Variants in NAV1 observed in about 807,000 individuals in gnomAD.
NAV1 encodes neuron navigator 1.
In NAV1, 18 loss-of-function variants were observed where a neutral mutation model predicts 175.2. That is an observed-to-expected ratio of 0.10 (90% CI 0.07 to 0.15). The LOEUF is 0.15. Among genes scored for constraint, NAV1 ranks in the 10% least tolerant of loss-of-function variants. The pLI is 1.00. For synonymous variants in NAV1, 897 were observed against 978.7 expected, an observed-to-expected ratio of 0.92 and a Z score of 1.56; for missense variants, 1,731 against 2,436.6, an observed-to-expected ratio of 0.71 and a Z score of 6.10.
intron 24 of NAV1, among the ~76,000 whole-genome samples, chr1:201,811,202 C>T (rs1678672910): frequency 6.6e-6 from 1 of 152,188 alleles, no homozygotes; most frequent in African/African-American, 2.4e-5. Flanking sequence ...TGGGAAGAAG[C>T]ACTCAGAATT....
chr1:201,699,092 C>A (rs951413648), intron 1 of NAV1, among the ~76,000 whole-genome samples: 1 of 152,144 alleles, frequency 6.6e-6, no homozygotes, highest in African/African-American at 2.4e-5. Flanking sequence ...CTGGCCAGGG[C>A]AATCAGGCAA....
upstream of NAV1, among the ~76,000 whole-genome samples, chr1:201,619,798 C>T (rs1260490248): frequency 6.6e-6 from 1 of 152,224 alleles, no homozygotes; most frequent in African/African-American, 2.4e-5. Flanking sequence ...CTGGGTGTGG[C>T]CCTCCAGGCC....
intron 28 of NAV1, among the ~76,000 whole-genome samples, chr1:201,814,907 T>C (rs1571520404): frequency 6.6e-6 from 1 of 151,262 alleles, no homozygotes; most frequent in East Asian, 1.9e-4. Flanking sequence ...GATGTGGTGG[T>C]GGGCACCTGT....
chr1:201,684,764 T>C (rs555745037), intron 1 of NAV1, among the ~76,000 whole-genome samples: 2 of 151,778 alleles, frequency 1.3e-5, no homozygotes, highest in Non-Finnish European at 2.9e-5. Flanking sequence ...CGTGAGCCAC[T>C]GTGCCCAGCC....
intron 1 of NAV1, among the ~76,000 whole-genome samples, chr1:201,575,230 A>T (rs1265075360): frequency 6.6e-6 from 1 of 152,180 alleles, no homozygotes; most frequent in Non-Finnish European, 1.5e-5. Flanking sequence ...AGAGACAGAG[A>T]CCTAGAGAGA....
intron 1 of NAV1, among the ~76,000 whole-genome samples, chr1:201,665,142 C>T (rs1294532248): frequency 1.3e-5 from 2 of 152,156 alleles, no homozygotes; most frequent in Non-Finnish European, 2.9e-5. Flanking sequence ...CCTTCCCAAC[C>T]TTCTTCTCTT....
intron 3 of NAV1, chr1:201,724,042 G>A (rs918157585): frequency 6.6e-6 from 1 of 152,072 alleles, no homozygotes; most frequent in Non-Finnish European, 1.5e-5. Context: ...CCCTCCTCTG[G>A]AAGCTCTCAG....
chr1:201,809,434 C>A lies in NAV1; in HGVS notation c.4306-8C>A. On this transcript the variant is annotated splice_region_variant and splice_polypyrimidine_tract_variant and intron_variant, in intron 21 of 29. Coordinates refer to ENST00000367296, the Ensembl canonical transcript of NAV1. Reference sequence around the variant, plus strand: ...AGCTCAAGAGCTTTTCCTTCCTTGGCCTTACAGGACTTGAAGCAGCAGGAA... The same window carrying A: ...AGCTCAAGAGCTTTTCCTTCCTTGGACTTACAGGACTTGAAGCAGCAGGAA... 1 of 1,613,768 alleles carries A rather than the reference C, an allele frequency of 6.2e-7. No homozygotes were observed. The highest frequency in any genetic ancestry group is 8.5e-7 in the Non-Finnish European group (1 of 1,179,884).
intron 1 of NAV1, among the ~76,000 whole-genome samples, chr1:201,712,015 G>C (rs1016384847): frequency 1.3e-5 from 2 of 152,198 alleles, no homozygotes; most frequent in Admixed American, 6.5e-5. Context: ...GGTGATTTGG[G>C]ATTCTGAGGA....
chr1:201,555,477 G>A (rs958034248), intron 1 of NAV1, among the ~76,000 whole-genome samples: 1 of 152,134 alleles, frequency 6.6e-6, no homozygotes, highest in Non-Finnish European at 1.5e-5. Flanking sequence ...CTGGGGGCCT[G>A]GGAGAGCTGT....
At chr1:201,712,896 G>T (rs1671969787) in exon 2 of NAV1, 9 of 1,613,872 alleles carry the variant, frequency 5.6e-6, no homozygotes, top group Non-Finnish European at 7.6e-6. Context: ...TGTCCAGCCT[G>T]CGAGGGTCCC....
intron 1 of NAV1, among the ~76,000 whole-genome samples, chr1:201,624,520 G>A (rs1297200126): frequency 1.3e-5 from 2 of 150,676 alleles, no homozygotes; most frequent in East Asian, 1.9e-4. Context: ...ATTTTTTTTT[G>A]TATTTTTAGT....
rs184003060 is a variant in NAV1, at chr1:201,604,626, G to A, written c.-33+15977G>A. ...GAACCTGGGAGGCGGAGGTTGCAGT[G>A]AGCCGAGATCGTGCCACTGCACTCC... On this transcript the variant is annotated intron_variant, in intron 2 of 33. Transcript: ENST00000685211. Among the ~76,000 whole-genome samples the A allele has an allele frequency of 4.9e-3, 742 of 150,434 alleles. 3 individuals are homozygous for A. Among genetic ancestry groups the A allele is most frequent in the Middle Eastern group, 0.01 (3 of 286 alleles).
At chr1:201,794,019 C>A (rs556014678) in intron 14 of NAV1, 144 bp downstream of exon 18, 2 of 737,206 alleles carry the variant, frequency 2.7e-6, no homozygotes, top group African/African-American at 3.4e-5. Flanking sequence ...CAATCTGCCC[C>A]CCAATACAGT....
At chr1:201,650,131 T>C (rs773293690) in intron 1 of NAV1, among the ~76,000 whole-genome samples, 2 of 152,208 alleles carry the variant, frequency 1.3e-5, no homozygotes, top group African/African-American at 2.4e-5. Flanking sequence ...GACTCCTGTT[T>C]GACCGGGAAG....
chr1:201,643,010 G>A (rs1049528949), intron 2 of NAV1, among the ~76,000 whole-genome samples: 11 of 151,946 alleles, frequency 7.2e-5, no homozygotes, highest in South Asian at 2.1e-4. Context: ...TCCTGACCTC[G>A]TGATCCGTCC....
intron 1 of NAV1, among the ~76,000 whole-genome samples, chr1:201,562,809 G>A (rs1194140807): frequency 2.6e-5 from 4 of 152,090 alleles, no homozygotes; most frequent in South Asian, 2.1e-4. Flanking sequence ...GGGAGGGGTG[G>A]GGCAGGCCCT....
chr1:201,681,764 G>A (rs949967146), intron 1 of NAV1, among the ~76,000 whole-genome samples: 50 of 152,326 alleles, frequency 3.3e-4, no homozygotes, highest in African/African-American at 1.2e-3. Flanking sequence ...CTTGAGGTCA[G>A]GAGTTTGAGA....
intron 1 of NAV1, among the ~76,000 whole-genome samples, chr1:201,671,526 A>G (rs570709848): frequency 8.5e-5 from 13 of 152,252 alleles, no homozygotes; most frequent in African/African-American, 3.1e-4. Flanking sequence ...AAGTCATTCT[A>G]CCTCCTGGGG....
Sources: allele counts gnomAD v4.1 joint callset (sites outside exome capture counted in the v4.1 genomes callset), GRCh38; gene constraint gnomAD v4.1.1; transcripts MANE v1.5; gene names NCBI Gene and HGNC (gene_info 2026-07-23, HGNC 2026-07-21).